PCDHGA1: variants seen among roughly 807,000 people sequenced by gnomAD.
PCDHGA1 encodes the protein protocadherin gamma subfamily A, 1.
A neutral mutation model predicts 58.0 loss-of-function variants in PCDHGA1; 32 were observed. The ratio of observed to expected loss-of-function variants is 0.55; its 90% confidence interval spans 0.42 to 0.74. The LOEUF (loss-of-function observed/expected upper bound fraction) is 0.74. PCDHGA1 is among the 30% of genes least tolerant of loss of function. The pLI is 0.00. For synonymous variants in PCDHGA1, 498 were observed against 501.1 expected (o/e 0.99, Z 0.08); for missense variants, 1,205 against 1,182.3 (o/e 1.02, Z -0.28).
intron 1 of PCDHGA1, chr5:141,378,119 G>T (rs1412148490): frequency 1.3e-5 from 2 of 152,132 alleles, no homozygotes; most frequent in South Asian, 2.1e-4. Flanking sequence ...TAGTGAACAC[G>T]TATTTGTTGA....
chr5:141,357,609 C>T (rs1760674283), intron 1 of PCDHGA1: 1 of 1,613,778 alleles, frequency 6.2e-7, no homozygotes, highest in Non-Finnish European at 8.5e-7. Context: ...CAAAAGGAGA[C>T]CCTAATCTTC....
intron 1 of PCDHGA1, chr5:141,423,923 G>C: frequency 8.0e-7 from 1 of 1,254,744 alleles, no homozygotes; most frequent in Non-Finnish European, 1.0e-6. Flanking sequence ...CAACTATGCT[G>C]GTTTGGTTTG....
At position 141,470,884 on chromosome 5, in the gene PCDHGA1, G is replaced by T. The variant is rs2099243316; in HGVS notation, c.2422-23923G>T. 3.3e-5 allele frequency among the ~76,000 whole-genome samples: 5 copies of T among 151,648 alleles called. No individual in the cohort carries two copies. In the South Asian group the frequency reaches 1.0e-3, roughly 32 times the overall value. On this transcript the variant is annotated intron_variant, in intron 1 of 3. Coordinates refer to ENST00000517417, the MANE Select transcript of PCDHGA1 (RefSeq NM_018912.3). ...TTTGTTTGTTTGTTTTTTTGTTTTT[G>T]TTTTTGTTTTTTGTAGAGATGGGAC...
intron 1 of PCDHGA1, chr5:141,394,054 AT>A: frequency 6.2e-7 from 1 of 1,613,802 alleles, no homozygotes; most frequent in Non-Finnish European, 8.5e-7. Flanking sequence ...GACCGAGAAA[AT>A]GTCTCTATCT....
At chr5:141,410,340 T>G in intron 1 of PCDHGA1, 1 of 1,614,068 alleles carries the variant, frequency 6.2e-7, no homozygotes, top group Non-Finnish European at 8.5e-7. Flanking sequence ...GCCATTGCCT[T>G]GCGCCTGCGA....
At chr5:141,383,394 C>A in intron 1 of PCDHGA1, 2 of 1,614,036 alleles carry the variant, frequency 1.2e-6, no homozygotes, top group Non-Finnish European at 1.7e-6. Context: ...TGGGCACGAA[C>A]TCCCTCCAGA....
At chr5:141,420,965 TA>T (rs1468739825) in intron 1 of PCDHGA1, 6 of 433,892 alleles carry the variant, frequency 1.4e-5, no homozygotes, top group African/African-American at 1.0e-4. Flanking sequence ...GTCGTTGCAA[TA>T]ATAAGAATGG....
rs377138746 is a variant in PCDHGA1, at chr5:141,432,481, C to A, written c.2422-62326C>A. Reference sequence around the variant, plus strand: ...CCCTCCCCACGGACGGTTCCACTGGCGTGGAGCTGGCTCCCCGCTCCGCAG... The same window carrying A: ...CCCTCCCCACGGACGGTTCCACTGGAGTGGAGCTGGCTCCCCGCTCCGCAG... On this transcript the variant is annotated intron_variant, in intron 1 of 3. Transcript: ENST00000517417. This position sits in a 1 kb window ranked among gnomAD's most constrained non-coding sequence, Gnocchi z 6.0. 6.2e-7 allele frequency: 1 copy of A among 1,614,080 alleles called. No individual in the cohort carries two copies.
At chr5:141,351,793 C>A (rs773058323) in intron 1 of PCDHGA1, 2 of 1,613,378 alleles carry the variant, frequency 1.2e-6, no homozygotes, top group Admixed American at 1.7e-5. Flanking sequence ...GGGTGGTGTT[C>A]GCGCAGCGCG....
intron 1 of PCDHGA1, among the ~76,000 whole-genome samples, chr5:141,438,625 TATATATATATACACACAC>T (rs1351180774): frequency 3.0e-4 from 14 of 46,412 alleles, no homozygotes; most frequent in Middle Eastern, 8.3e-3. Context: ...TATATATATA[TATATATATATACACACAC>T]ACACACACAT....
intron 1 of PCDHGA1, among the ~76,000 whole-genome samples, chr5:141,444,733 G>A (rs1464370133): frequency 6.6e-6 from 1 of 152,106 alleles, no homozygotes; most frequent in Non-Finnish European, 1.5e-5. Flanking sequence ...TTTGTTGAAA[G>A]TCATTTCACT....
chr5:141,459,989 A>G (rs2098979714), intron 1 of PCDHGA1, among the ~76,000 whole-genome samples: 1 of 152,204 alleles, frequency 6.6e-6, no homozygotes, highest in Non-Finnish European at 1.5e-5. Flanking sequence ...GAGACAGGAG[A>G]ATCGCTTGAA....
intron 1 of PCDHGA1, chr5:141,355,109 T>C: frequency 2.0e-6 from 3 of 1,508,382 alleles, no homozygotes; most frequent in Non-Finnish European, 2.7e-6. Context: ...TGGCTGTGAA[T>C]GCACTTTATT....
At chr5:141,403,365 T>C in intron 1 of PCDHGA1, 1 of 1,614,024 alleles carries the variant, frequency 6.2e-7, no homozygotes, top group Non-Finnish European at 8.5e-7. Flanking sequence ...GCCGAAAGTC[T>C]GGAAGTAAAA....
rs1161279152 is a variant in PCDHGA1, at chr5:141,330,708, T to C, written c.24T>C (p.Thr8=). The C allele has an allele frequency of 4.4e-6, 7 of 1,608,478 alleles. No homozygotes were observed. Among genetic ancestry groups the C allele is most frequent in the East Asian group, 4.5e-5 (2 of 44,768 alleles). The change falls in exon 1 of 4, where the codon ACT becomes ACC. Residue 8 remains threonine, a synonymous_variant. Transcript: ENST00000517417. Reference sequence around the variant, plus strand: ...CCATGAAGATTCAGAAAAAGCTGACTGGCTGCAGCAGGCTGATGCTTCTGT... The same window carrying C: ...CCATGAAGATTCAGAAAAAGCTGACCGGCTGCAGCAGGCTGATGCTTCTGT... The part of the protein sequence containing the change: MKIQKKL[T]GCSRLMLLCL...
At chr5:141,507,447 G>A (rs998019159) in intron 3 of PCDHGA1, among the ~76,000 whole-genome samples, 1 of 152,226 alleles carries the variant, frequency 6.6e-6, no homozygotes, top group Non-Finnish European at 1.5e-5. Flanking sequence ...GCTGACGGAA[G>A]GACAGAGAGA....
chr5:141,358,683 C>T (rs1760990100), intron 1 of PCDHGA1, among the ~76,000 whole-genome samples: 1 of 152,122 alleles, frequency 6.6e-6, no homozygotes, highest in Non-Finnish European at 1.5e-5. Context: ...AATTGCTTAT[C>T]ATGACATCAC....
intron 1 of PCDHGA1, chr5:141,361,220 C>G (rs1466381817): frequency 6.2e-7 from 1 of 1,613,950 alleles, no homozygotes; most frequent in African/African-American, 1.3e-5. Flanking sequence ...GATTCGCCAC[C>G]AGGAACAGTG....
chr5:141,421,751 C>T (rs751678934), intron 1 of PCDHGA1: 1 of 1,613,932 alleles, frequency 6.2e-7, no homozygotes, highest in South Asian at 1.1e-5. Context: ...CAGCTCAGCC[C>T]TAATAATTAC....
Sources: allele counts gnomAD v4.1 joint callset (sites outside exome capture counted in the v4.1 genomes callset), GRCh38; gene constraint gnomAD v4.1.1; non-coding constraint Gnocchi (gnomAD v3.1); transcripts MANE v1.5; gene names NCBI Gene and HGNC (gene_info 2026-07-23, HGNC 2026-07-21).